The following SPATA13 variants were observed in gnomAD, a reference collection of about 807,000 sequenced individuals.
The protein encoded by SPATA13 is spermatogenesis associated 13.
A neutral mutation model predicts 104.0 loss-of-function variants in SPATA13; 50 were observed. The ratio of observed to expected loss-of-function variants is 0.48; its 90% CI spans 0.38 to 0.61. The LOEUF (loss-of-function observed/expected upper bound fraction) is 0.61. Among genes scored for constraint, SPATA13 ranks in the 20% least tolerant of loss-of-function variants. SPATA13 has a pLI of 0.00. For synonymous variants in SPATA13, 606 were observed against 667.5 expected (o/e 0.91, Z 1.42); for missense variants, 1,524 against 1,690.6 (o/e 0.90, Z 1.73).
chr13:24,286,895 G>T lies in SPATA13; in HGVS notation c.2612G>T (p.Arg871Leu), dbSNP rs1431125002. The T allele has an allele frequency of 6.2e-7, 1 of 1,613,906 alleles. No individual in the cohort carries two copies. The change falls in exon 7 of 13, where the codon CGG (arginine) becomes CTG (leucine). Residue 871 changes from arginine to leucine, a missense_variant. Physicochemically the swap from Arg to Leu is moderately radical, Grantham distance 102 (BLOSUM62 -2). This residue lies in a region of SPATA13 where 435 missense variants were observed against 554.8 expected (regional missense o/e 0.78). Coordinates refer to ENST00000382108, the MANE Select transcript of SPATA13 (RefSeq NM_001166271.3). The surrounding 1 kb of genome is among the most constrained non-coding windows in gnomAD (Gnocchi z 4.9). ...CAGCAGATGCGGACCAACGTCATCC[G>T]GGAGATCATGGACACCGAGCGGGTG... ...NKQQMRTNVI[R>L]EIMDTERVYI...
At chr13:24,059,784 G>A (rs1290292627) in intron 3 of SPATA13, among the ~76,000 whole-genome samples, 1 of 152,118 alleles carries the variant, frequency 6.6e-6, no homozygotes, top group Admixed American at 6.5e-5. Flanking sequence ...AGATCATGTC[G>A]TCTGCATACA....
intron 3 of SPATA13, among the ~76,000 whole-genome samples, chr13:24,113,150 T>G (rs1880703028): frequency 6.6e-6 from 1 of 152,206 alleles, no homozygotes; most frequent in East Asian, 1.9e-4. Context: ...CCACTTTAAG[T>G]TTTAGTTTTG....
chr13:24,302,167 C>G (rs1877233257), intron 12 of SPATA13, among the ~76,000 whole-genome samples: 1 of 152,174 alleles, frequency 6.6e-6, no homozygotes, highest in African/African-American at 2.4e-5. Context: ...TCATAATACC[C>G]TCCTTGGAGG....
At chr13:24,085,875 G>A (rs1215035310) in intron 3 of SPATA13, among the ~76,000 whole-genome samples, 2 of 152,210 alleles carry the variant, frequency 1.3e-5, no homozygotes, top group Admixed American at 6.5e-5. Context: ...GCAAAGCACC[G>A]GAACCAGGGC....
chr13:24,211,817 C>G (rs373161710), intron 1 of SPATA13, among the ~76,000 whole-genome samples: 9 of 152,288 alleles, frequency 5.9e-5, no homozygotes, highest in African/African-American at 1.9e-4. Context: ...TAGGCTCCCC[C>G]ACCCTGTCCC....
At chr13:24,264,085 T>C (rs1382841566) in intron 4 of SPATA13, among the ~76,000 whole-genome samples, 1 of 152,214 alleles carries the variant, frequency 6.6e-6, no homozygotes, top group Non-Finnish European at 1.5e-5. Context: ...TCATCGAGAT[T>C]TTTTAGAAGG....
At chr13:24,181,316 A>G (rs967768687) in intron 1 of SPATA13, among the ~76,000 whole-genome samples, 3 of 152,218 alleles carry the variant, frequency 2.0e-5, no homozygotes, top group Non-Finnish European at 2.9e-5. Context: ...TTTTTTCATA[A>G]TAAATTGACC....
At chr13:24,119,888 C>G (rs559802276) in intron 3 of SPATA13, among the ~76,000 whole-genome samples, 3 of 152,286 alleles carry the variant, frequency 2.0e-5, no homozygotes, top group African/African-American at 7.2e-5. Context: ...GGGACAATGT[C>G]CTGATAGTAA....
chr13:24,015,661 G>C (rs1435877302), intron 2 of SPATA13, among the ~76,000 whole-genome samples: 1 of 152,068 alleles, frequency 6.6e-6, no homozygotes, highest in Non-Finnish European at 1.5e-5. Context: ...GTTTTTCCCT[G>C]CCATCCCCTA....
intron 3 of SPATA13, among the ~76,000 whole-genome samples, chr13:24,083,251 C>A (rs1165799615): frequency 6.6e-6 from 1 of 152,218 alleles, no homozygotes; most frequent in Non-Finnish European, 1.5e-5. Context: ...CACCTTTTTG[C>A]AAATGCAGTC....
intron 3 of SPATA13, among the ~76,000 whole-genome samples, chr13:24,083,997 A>G (rs1395343789): frequency 6.6e-6 from 1 of 152,196 alleles, no homozygotes; most frequent in East Asian, 1.9e-4. Context: ...TCACCACACC[A>G]TGCCCAGCAT....
chr13:24,303,077 T>G lies in SPATA13; in HGVS notation c.*304T>G, dbSNP rs1877325718. 2.3e-6 allele frequency: 1 copy of G among 430,808 alleles called. No individual in the cohort carries two copies. The highest frequency in any genetic ancestry group is 3.5e-5 in the Admixed American group (1 of 28,700). The allele number at this position is 430,808 out of a possible 1,614,324, so 26.7% of individuals were successfully genotyped here. ...CTAAAGCGAGTGATTAGGCAGCAGC[T>G]GAAGCCACCCCTGCTGATGATGAGC... On this transcript the variant is annotated 3_prime_UTR_variant, in exon 13 of 13. Coordinates refer to ENST00000382108, the MANE Select transcript of SPATA13 (RefSeq NM_001166271.3).
intron 4 of SPATA13, among the ~76,000 whole-genome samples, chr13:24,277,908 G>A (rs1300714372): frequency 6.6e-6 from 1 of 152,158 alleles, no homozygotes; most frequent in Admixed American, 6.5e-5. Context: ...CAGACACTGA[G>A]AAATCCCACT....
intron 4 of SPATA13, among the ~76,000 whole-genome samples, chr13:24,260,243 G>C (rs1029085704): frequency 1.3e-5 from 2 of 152,212 alleles, no homozygotes; most frequent in Non-Finnish European, 2.9e-5. Context: ...GATTAAGTTT[G>C]TTGTTAGGGG....
chr13:24,224,089 G>T lies in SPATA13; in HGVS notation c.1160G>T (p.Cys387Phe). 6.4e-7 allele frequency: 1 copy of T among 1,551,226 alleles called. No homozygotes were observed. Among genetic ancestry groups the T allele is most frequent in the Non-Finnish European group, 8.7e-7 (1 of 1,146,944 alleles). ...GTCATGCATGGGACCACTGCAACCT[G>T]CACCGTGGCCCCCGGTTTCGGCTCA... is the stretch of plus-strand genomic sequence containing the variant. ...GAVMHGTTATCTVAPGFGSAT... is the reference protein window; with the variant it reads ...GAVMHGTTATFTVAPGFGSAT... The change falls in exon 2 of 13, where the codon TGC becomes TTC. Residue 387 changes from cysteine to phenylalanine, a missense_variant. Around this residue, in one of 2 missense-constraint regions of SPATA13, gnomAD observed 1,089 missense variants for 1,135.9 expected, o/e 0.96. Coordinates refer to ENST00000382108, the MANE Select transcript of SPATA13 (RefSeq NM_001166271.3).
At chr13:24,018,733 T>A (rs892133192) in intron 3 of SPATA13, among the ~76,000 whole-genome samples, 2 of 152,196 alleles carry the variant, frequency 1.3e-5, no homozygotes, top group African/African-American at 4.8e-5. Flanking sequence ...GTGTTTTACT[T>A]AACTGATGCA....
At position 24,069,622 on chromosome 13, in the gene SPATA13, C is replaced by T. The variant is rs146629751; in HGVS notation, c.-112+51921C>T. 1.4e-4 allele frequency among the ~76,000 whole-genome samples: 21 copies of T among 152,204 alleles called. No individual in the cohort carries two copies. In the East Asian group the frequency reaches 2.9e-3, roughly 21 times the overall value. Reference sequence around the variant, plus strand: ...ATGCCCTTTATTTATTTATCTTGCCCGATTGCCCTGGCCAGGACTTAACTT... The same window carrying T: ...ATGCCCTTTATTTATTTATCTTGCCTGATTGCCCTGGCCAGGACTTAACTT... On this transcript the variant is annotated intron_variant, in intron 3 of 14. Coordinates refer to the SPATA13 transcript ENST00000424834.
rs115044134 is a variant in SPATA13 at position 24,273,548 on chromosome 13, T to C, written c.2165-10587T>C. 5.9e-3 allele frequency among the ~76,000 whole-genome samples: 901 copies of C among 152,354 alleles called. 10 individuals are homozygous for C. Among genetic ancestry groups the C allele is most frequent in the African/African-American group, 0.02 (826 of 41,572 alleles). On this transcript the variant is annotated intron_variant, in intron 4 of 12. Transcript: ENST00000382108. ...CACTAACAGTTTACATTCTGGAACATGAAACATATTTCATACTTTAATTCA... is the reference window on the plus strand; with the variant it reads ...CACTAACAGTTTACATTCTGGAACACGAAACATATTTCATACTTTAATTCA...
intron 3 of SPATA13, among the ~76,000 whole-genome samples, chr13:24,087,365 C>T (rs1029652427): frequency 1.3e-5 from 2 of 152,222 alleles, no homozygotes; most frequent in African/African-American, 2.4e-5. Flanking sequence ...CCCTCCCTCC[C>T]CCAGGGGCAG....
Sources: gnomAD v4.1 joint callset for allele counts (sites outside exome capture counted in the v4.1 genomes callset) on GRCh38, gnomAD v4.1.1 for gene constraint, gnomAD v4.1.1 regional missense constraint, Gnocchi (gnomAD v3.1) non-coding constraint, MANE v1.5 for transcripts, NCBI Gene and HGNC (gene_info 2026-07-23, HGNC 2026-07-21) for gene names.